The following WDR7 variants were observed in gnomAD, a reference collection of about 807,000 sequenced individuals.
WDR7 encodes WD repeat-containing protein 7.
Under a neutral mutation model 169.4 loss-of-function variants are expected in WDR7, and 46 were observed. That is an observed-to-expected ratio of 0.27 (90% CI 0.21 to 0.35). The LOEUF (loss-of-function observed/expected upper bound fraction) is 0.35, where lower values mean the gene tolerates loss of function less well. Among genes scored for constraint, WDR7 ranks in the 10% least tolerant of loss-of-function variants. The pLI, the probability that WDR7 is intolerant of heterozygous loss-of-function variation, is 1.00. For missense variants in WDR7, 1,534 were observed against 1,859.3 expected (o/e 0.83, Z 3.22); for synonymous variants, 612 against 666.8 (o/e 0.92, Z 1.27).
rs774442949 is a variant in WDR7, at chr18:56,892,020, G to A, written c.3526+11855G>A. Reference sequence around the variant, plus strand: ...TAACAGCTTTATCATTTTTAACTGCGATCTGACACTTACATTATAGACCCT... The same window carrying A: ...TAACAGCTTTATCATTTTTAACTGCAATCTGACACTTACATTATAGACCCT... On this transcript the variant is annotated intron_variant, in intron 21 of 27. Transcript: ENST00000254442. Among the ~76,000 whole-genome samples the A allele has an allele frequency of 6.6e-4, 100 of 152,046 alleles. 1 individual carries two copies. The highest frequency in any genetic ancestry group is 3.6e-3 in the Admixed American group (55 of 15,248).
chr18:56,666,893 A>AT (rs5825197), intron 1 of WDR7, among the ~76,000 whole-genome samples: 99,687 of 143,694 alleles, frequency 0.69, 37,348 homozygotes, highest in East Asian at 0.85. Flanking sequence ...AAACCAGGCT[A>AT]TTTTTTTTTT....
At chr18:56,923,236 C>T (rs181000904) in intron 21 of WDR7, among the ~76,000 whole-genome samples, 72 of 152,174 alleles carry the variant, frequency 4.7e-4, no homozygotes, top group Middle Eastern at 3.4e-3. Flanking sequence ...AGCCACTAGA[C>T]GTAAGTATAC....
At chr18:56,857,307 T>A (rs1293953497) in intron 20 of WDR7, among the ~76,000 whole-genome samples, 3 of 152,150 alleles carry the variant, frequency 2.0e-5, no homozygotes, top group Admixed American at 6.5e-5. Flanking sequence ...TCACCCAGGC[T>A]GGAGTGCAGT....
chr18:56,707,426 G>GT lies in WDR7; in HGVS notation c.1579-10523dup, dbSNP rs1232820703. On this transcript the variant is annotated intron_variant, in intron 12 of 27. Coordinates refer to ENST00000254442, the MANE Select transcript of WDR7 (RefSeq NM_015285.3). ...CTCTGACAGTCTAACTTTGCGTTTT[G>GT]TTTTTTTTTTTTTTTGGCATGAGAT... 7.8e-3 allele frequency among the ~76,000 whole-genome samples: 965 copies of GT among 123,726 alleles called. 2 individuals carry two copies. The highest frequency in any genetic ancestry group is 0.016 in the African/African-American group (539 of 33,986). 81.2% of individuals were successfully genotyped at this position (123,726 alleles called of 152,430 possible). A position where few individuals can be genotyped will look rare whatever the true frequency, so the allele number is the denominator to read the frequency against.
At chr18:56,682,886 A>G (rs751303066) in intron 5 of WDR7, 33 bp downstream of exon 5, 1 of 1,588,224 alleles carries the variant, frequency 6.3e-7, no homozygotes, top group Non-Finnish European at 8.6e-7. Context: ...GAGCTTTAGC[A>G]CCATGACTTA....
rs151272295 is a variant in WDR7 at position 56,887,522 on chromosome 18, G to A, written c.3526+7357G>A. Among the ~76,000 whole-genome samples the A allele has an allele frequency of 5.6e-3, 859 of 152,236 alleles. 11 individuals are homozygous for A. Among genetic ancestry groups the A allele is most frequent in the African/African-American group, 0.02 (814 of 41,536 alleles). On this transcript the variant is annotated intron_variant, in intron 21 of 27. Coordinates refer to ENST00000254442, the MANE Select transcript of WDR7 (RefSeq NM_015285.3). ...ATAGTGTATCAGAATGAATGATATAGTACCTCATAGAAACAATTTAAAATG... is the reference window on the plus strand; with the variant it reads ...ATAGTGTATCAGAATGAATGATATAATACCTCATAGAAACAATTTAAAATG...
intron 12 of WDR7, among the ~76,000 whole-genome samples, chr18:56,710,115 T>A (rs1054185676): frequency 6.6e-6 from 1 of 150,850 alleles, no homozygotes; most frequent in African/African-American, 2.4e-5. Flanking sequence ...GCCATTCTCC[T>A]GCCTCAGCCT....
chr18:56,918,954 G>T lies in WDR7; in HGVS notation c.3527-4968G>T, dbSNP rs542903051. ...TTAACCTGTTTAGCAAGTGTGAAAG[G>T]TAAATTAATAAATAAATAAAAATAG... On this transcript the variant is annotated intron_variant, in intron 21 of 27. Coordinates refer to ENST00000254442, the MANE Select transcript of WDR7 (RefSeq NM_015285.3). 3.3e-5 allele frequency among the ~76,000 whole-genome samples: 5 copies of T among 152,236 alleles called. No individual in the cohort carries two copies. In the South Asian group the frequency reaches 1.0e-3, roughly 32 times the overall value.
chr18:56,806,664 TA>T (rs1373239145), intron 19 of WDR7, among the ~76,000 whole-genome samples: 1 of 152,100 alleles, frequency 6.6e-6, no homozygotes, highest in Non-Finnish European at 1.5e-5. Flanking sequence ...CAAATAAAAT[TA>T]AGATATTTTC....
intron 26 of WDR7, among the ~76,000 whole-genome samples, chr18:56,984,910 G>A (rs74687969): frequency 0.043 from 6,534 of 152,228 alleles, 253 homozygotes; most frequent in East Asian, 0.11. Context: ...CCCTTCAGCT[G>A]TGTGCAGTGC....
chr18:56,886,766 A>G (rs1274671508), intron 21 of WDR7, among the ~76,000 whole-genome samples: 1 of 152,206 alleles, frequency 6.6e-6, no homozygotes, highest in African/African-American at 2.4e-5. Context: ...AACTTAAGCT[A>G]AAGCGGATAT....
chr18:56,826,343 GC>G (rs1183971495), intron 20 of WDR7, among the ~76,000 whole-genome samples: 1 of 120,854 alleles, frequency 8.3e-6, no homozygotes, highest in Admixed American at 7.7e-5. Flanking sequence ...CTTTTACTGT[GC>G]AAACCATGTT....
chr18:56,836,314 C>T (rs891289308), intron 20 of WDR7, among the ~76,000 whole-genome samples: 1 of 152,172 alleles, frequency 6.6e-6, no homozygotes, highest in African/African-American at 2.4e-5. Flanking sequence ...CACTCCCAAG[C>T]AACCAGCCCC....
intron 19 of WDR7, among the ~76,000 whole-genome samples, chr18:56,782,513 C>T (rs1027441524): frequency 6.6e-6 from 1 of 150,846 alleles, no homozygotes; most frequent in East Asian, 1.9e-4. Context: ...AAAATTTTAC[C>T]CTAAATTATA....
At chr18:57,023,107 G>A (rs1390998411) in intron 27 of WDR7, among the ~76,000 whole-genome samples, 3 of 152,152 alleles carry the variant, frequency 2.0e-5, no homozygotes, top group Non-Finnish European at 4.4e-5. Flanking sequence ...AATTTTAATG[G>A]AAGATACAAA....
chr18:56,694,535 A>G (rs2025654258), intron 9 of WDR7, 84 bp from the exon 10 acceptor site: 3 of 1,373,780 alleles, frequency 2.2e-6, no homozygotes, highest in Non-Finnish European at 3.0e-6. Flanking sequence ...CAAATTACCT[A>G]ATATCTTTGT....
intron 19 of WDR7, among the ~76,000 whole-genome samples, chr18:56,811,903 A>T (rs146285075): frequency 1.4e-3 from 217 of 152,242 alleles, no homozygotes; most frequent in African/African-American, 5.1e-3. Flanking sequence ...GGGTAAAATG[A>T]CTTTTTTCTA....
intron 21 of WDR7, among the ~76,000 whole-genome samples, chr18:56,914,181 CAG>C (rs1460161662): frequency 6.6e-6 from 1 of 152,348 alleles, no homozygotes; most frequent in East Asian, 1.9e-4. Context: ...GCTCCTGCCT[CAG>C]GGCCCTTTGT....
rs755698742 is a variant in WDR7, at chr18:56,682,681, C to T, written c.348C>T (p.Phe116=). 11 of 1,611,836 alleles carry T rather than the reference C, an allele frequency of 6.8e-6. No individual in the cohort carries two copies. The highest frequency in any genetic ancestry group is 5.0e-5 in the Admixed American group (3 of 59,430). Residue 116 remains phenylalanine (F), a splice_region_variant and synonymous_variant, in exon 5 of 28, where the codon TTC becomes TTT. Coordinates refer to ENST00000254442, the MANE Select transcript of WDR7 (RefSeq NM_015285.3). ...TTTTCCTTTTGGCATGAATGTAGTT[C>T]TACCAGTTCTCTGTTGGGAATCAGC... ...KLACTHTGIQ[F]YQFSVGNQRE... is the part of the protein sequence containing the mutation.
Sources: gnomAD v4.1 joint callset for allele counts (sites outside exome capture counted in the v4.1 genomes callset) on GRCh38, gnomAD v4.1.1 for gene constraint, MANE v1.5 for transcripts, NCBI Gene and HGNC (gene_info 2026-07-23, HGNC 2026-07-21) for gene names.